B3GNT5: variants seen among roughly 807,000 people sequenced by gnomAD.
B3GNT5 encodes the protein lactosylceramide 1,3-N-acetyl-beta-D-glucosaminyltransferase.
B3GNT5 carries 11 observed loss-of-function variants against 25.9 expected under a neutral mutation model. That is an observed-to-expected ratio of 0.42 (90% CI 0.27 to 0.70). The LOEUF (loss-of-function observed/expected upper bound fraction) is 0.70, where lower values mean the gene tolerates loss of function less well. Ranked by LOEUF, B3GNT5 falls within the 30% of genes least tolerant of loss-of-function variation. The pLI is 0.23. For synonymous variants in B3GNT5, 166 were observed against 158.6 expected, an observed-to-expected ratio of 1.05 and a Z score of -0.35; for missense variants, 385 against 458.4, an observed-to-expected ratio of 0.84 and a Z score of 1.46.
rs1327552957 is a variant in B3GNT5, at chr3:183,270,684, G to A, written c.886G>A (p.Val296Ile). The A allele has an allele frequency of 1.2e-6, 2 of 1,614,102 alleles. No homozygotes were observed. Among genetic ancestry groups the A allele is most frequent in the Non-Finnish European group, 1.7e-6 (2 of 1,180,018 alleles). The change falls in exon 2 of 2, where the codon GTA becomes ATA. Residue 296 changes from valine to isoleucine, a missense_variant. Transcript: ENST00000326505. This position sits in a 1 kb window ranked among gnomAD's most constrained non-coding sequence, Gnocchi z 4.5. ...MGLCANKIGI[V>I]PQDHVFFSGE... ...CCTCTGTGCCAATAAAATAGGGATA[G>A]TACCGCAGGACCATGTGTTTTTTTC...
In B3GNT5 at chr3:183,272,640, T is replaced by C. The variant is rs2108451113; in HGVS notation, c.*1705T>C. On this transcript the variant is annotated 3_prime_UTR_variant, in exon 2 of 2. Coordinates refer to ENST00000326505, the MANE Select transcript of B3GNT5 (RefSeq NM_032047.5). The stretch of plus-strand genomic sequence containing the variant: ...AGGTTGTAGTTACTTTCAGAGTAGA[T>C]ACAGGGTTTTAGATCATTACAGTTT... 3 of 1,001,182 alleles carry C rather than the reference T, an allele frequency of 3.0e-6. No individual in the cohort carries two copies. Among genetic ancestry groups the C allele is most frequent in the Non-Finnish European group, 3.6e-6 (3 of 830,468 alleles). 62.0% of individuals were successfully genotyped at this position (1,001,182 alleles called of 1,614,324 possible).
At chr3:183,260,261 G>A (rs1012125009) in intron 1 of B3GNT5, among the ~76,000 whole-genome samples, 2 of 152,098 alleles carry the variant, frequency 1.3e-5, no homozygotes, top group Non-Finnish European at 2.9e-5. Flanking sequence ...TACCACATTC[G>A]TAAGGCATTT....
chr3:183,257,482 G>A (rs910772927), intron 1 of B3GNT5, among the ~76,000 whole-genome samples: 6 of 152,266 alleles, frequency 3.9e-5, no homozygotes, highest in African/African-American at 1.2e-4. Context: ...TTAAATATAC[G>A]TATTAACCTA....
rs752499455 is a variant in B3GNT5, at chr3:183,270,604, A to G, written c.806A>G (p.Tyr269Cys). ...VISGDVAAKV[Y>C]EASQTLNSSL... ...TCCGGTGATGTAGCTGCCAAAGTCT[A>G]TGAGGCATCACAGACACTAAATTCA... is the stretch of plus-strand genomic sequence containing the variant. The change falls in exon 2 of 2, where the codon TAT (tyrosine) becomes TGT (cysteine). Residue 269 changes from tyrosine (Y) to cysteine (C), a missense_variant. Transcript: ENST00000326505. The surrounding 1 kb of genome is among the most constrained non-coding windows in gnomAD (Gnocchi z 4.5). 22 of 1,614,100 alleles carry G rather than the reference A, an allele frequency of 1.4e-5. No individual in the cohort carries two copies. The highest frequency in any genetic ancestry group is 1.8e-5 in the Non-Finnish European group (21 of 1,180,050).
At position 183,270,350 on chromosome 3, in the gene B3GNT5, A is replaced by C; in HGVS notation, c.552A>C (p.Pro184=). ...TCAGTTGGGCAAATACCTATTGTCC[A>C]CATGCCAAATTTCTTATGACTGCTG... is the stretch of plus-strand genomic sequence containing the variant. ...MQFSWANTYC[P]HAKFLMTADD... is the part of the protein sequence containing the mutation. The change falls in exon 2 of 2, where the codon CCA becomes CCC. Residue 184 remains proline (P), a synonymous_variant. Transcript: ENST00000326505. This position sits in a 1 kb window ranked among gnomAD's most constrained non-coding sequence, Gnocchi z 4.5. The C allele has an allele frequency of 1.9e-6, 3 of 1,614,212 alleles. No individual in the cohort carries two copies. The South Asian group carries it at 3.3e-5, about 18-fold the overall frequency.
At chr3:183,266,610 G>A (rs1726151002) in intron 1 of B3GNT5, among the ~76,000 whole-genome samples, 1 of 152,178 alleles carries the variant, frequency 6.6e-6, no homozygotes, top group African/African-American at 2.4e-5. Flanking sequence ...GAGCAACTGA[G>A]AGAAAGTGGG....
chr3:183,265,070 G>C (rs1044339837), intron 1 of B3GNT5, among the ~76,000 whole-genome samples: 3 of 152,124 alleles, frequency 2.0e-5, no homozygotes, highest in Non-Finnish European at 4.4e-5. Flanking sequence ...TCTCTCCCAT[G>C]CTTTTTCTAT....
intron 1 of B3GNT5, among the ~76,000 whole-genome samples, chr3:183,262,563 C>A (rs1725712177): frequency 6.6e-6 from 1 of 152,100 alleles, no homozygotes; most frequent in South Asian, 2.1e-4. Flanking sequence ...TCCCCCTAGT[C>A]CCGGCCCGAT....
chr3:183,254,647 GTTGCCGGCCGGGGGCCCCAGGC>G (rs1293935007), intron 1 of B3GNT5: 6 of 152,302 alleles, frequency 3.9e-5, no homozygotes, highest in African/African-American at 1.4e-4. Context: ...CACCAATTCG[GTTGCCGGCCGGGGGCCCCAGGC>G]TTGCGGCCAC....
chr3:183,261,914 C>T (rs1180024995), intron 1 of B3GNT5, among the ~76,000 whole-genome samples: 1 of 146,092 alleles, frequency 6.8e-6, no homozygotes, highest in Non-Finnish European at 1.5e-5. Context: ...GAACACAATC[C>T]ATTCATGGTT....
chr3:183,270,526 T>A lies in B3GNT5; in HGVS notation c.728T>A (p.Met243Lys), dbSNP rs1489770217. The change falls in exon 2 of 2, where the codon ATG becomes AAG. Residue 243 changes from methionine (M) to lysine (K), a missense_variant. Met to Lys is a moderately conservative substitution (Grantham distance 95). Transcript: ENST00000326505. The surrounding 1 kb of genome is among the most constrained non-coding windows in gnomAD (Gnocchi z 4.5). The part of the protein sequence containing the change: ...KSSKYYVSYE[M>K]YQWPAYPDYT... ...AGCAAATACTACGTGTCCTATGAAA[T>A]GTACCAGTGGCCAGCTTACCCTGAC... 6.2e-7 allele frequency: 1 copy of A among 1,614,160 alleles called. No individual in the cohort carries two copies. The highest frequency in any genetic ancestry group is 8.5e-7 in the Non-Finnish European group (1 of 1,180,008).
At chr3:183,255,585 C>A (rs1401937557) in intron 1 of B3GNT5, among the ~76,000 whole-genome samples, 2 of 152,194 alleles carry the variant, frequency 1.3e-5, no homozygotes, top group South Asian at 4.1e-4. Flanking sequence ...CAGGAAAGGC[C>A]CAAGCCAAAG....
rs769297151 is a variant in B3GNT5, at chr3:183,269,582, G to C, written c.-217G>C. ...GATGCCCGTGTGGAAGAATTTTGAC[G>C]TGCCAGTGTCCTCGTTCTACAGGGT... On this transcript the variant is annotated 5_prime_UTR_variant, in exon 2 of 2. Coordinates refer to ENST00000326505, the MANE Select transcript of B3GNT5 (RefSeq NM_032047.5). The C allele has an allele frequency of 6.4e-6, 3 of 465,734 alleles. No individual in the cohort carries two copies. Among genetic ancestry groups the C allele is most frequent in the Non-Finnish European group, 1.1e-5 (3 of 268,332 alleles). The allele number at this position is 465,734 out of a possible 1,614,324, so 28.9% of individuals were successfully genotyped here. A position where few individuals can be genotyped will look rare whatever the true frequency, so the allele number is the denominator to read the frequency against.
chr3:183,271,646 A>C lies in B3GNT5; in HGVS notation c.*711A>C, dbSNP rs1726793502. 1 of 167,010 alleles carries C rather than the reference A, an allele frequency of 6.0e-6. No individual in the cohort carries two copies. Among genetic ancestry groups the C allele is most frequent in the African/African-American group, 2.4e-5 (1 of 41,434 alleles). The allele number at this position is 167,010 out of a possible 1,614,324, so 10.3% of individuals were successfully genotyped here. On this transcript the variant is annotated 3_prime_UTR_variant, in exon 2 of 2. Transcript: ENST00000326505. ...TTTAATGGATTTTTTTTTAAGTATT[A>C]GAAAATGACACATAACACGGGCAGC... is the stretch of plus-strand genomic sequence containing the variant.
rs1348823651 is a variant in B3GNT5 at position 183,272,822 on chromosome 3, C to T, written c.*1887C>T. ...TATACTTGGAAGTGTTTAAGGTTGC[C>T]ATTGGTTGAAAACATAAGTGTCTCT... On this transcript the variant is annotated 3_prime_UTR_variant, in exon 2 of 2. Transcript: ENST00000326505. 15 of 1,216,670 alleles carry T rather than the reference C, an allele frequency of 1.2e-5. No homozygotes were observed. Among genetic ancestry groups the T allele is most frequent in the Admixed American group, 4.5e-5 (1 of 22,060 alleles). The allele number at this position is 1,216,670 out of a possible 1,614,324, so 75.4% of individuals were successfully genotyped here.
In B3GNT5 at chr3:183,267,086, T is replaced by G. The variant is rs1726220257; in HGVS notation, c.-301-2412T>G. ...CAGGCGTGAGCCACCATGGCCGGCC[T>G]TCAGCCTTTGTGATATTAAAGCACA... is the stretch of plus-strand genomic sequence containing the variant. On this transcript the variant is annotated intron_variant, in intron 1 of 1. Coordinates refer to ENST00000326505, the MANE Select transcript of B3GNT5 (RefSeq NM_032047.5). The surrounding 1 kb of genome is among the most constrained non-coding windows in gnomAD (Gnocchi z 5.5). Among the ~76,000 whole-genome samples, 1 of 152,154 alleles carries G rather than the reference T, an allele frequency of 6.6e-6. No individual in the cohort carries two copies. The highest frequency in any genetic ancestry group is 2.4e-5 in the African/African-American group (1 of 41,438).
intron 1 of B3GNT5, among the ~76,000 whole-genome samples, chr3:183,268,637 C>T (rs1726393476): frequency 6.6e-6 from 1 of 152,026 alleles, no homozygotes; most frequent in Non-Finnish European, 1.5e-5. Flanking sequence ...ACTTGAGTAC[C>T]CTAGTGTGCT....
intron 1 of B3GNT5, among the ~76,000 whole-genome samples, chr3:183,268,782 G>A (rs1726413985): frequency 6.6e-6 from 1 of 152,168 alleles, no homozygotes; most frequent in Non-Finnish European, 1.5e-5. Context: ...ACCGTAAGTG[G>A]CTAAGGCGGC....
chr3:183,269,249 A>G (rs1308759415), intron 1 of B3GNT5, among the ~76,000 whole-genome samples: 3 of 64,358 alleles, frequency 4.7e-5, no homozygotes, highest in African/African-American at 3.4e-4. Context: ...TTTTTTTTTT[A>G]AGAGTAGGAG....
Sources: gnomAD v4.1 joint callset for allele counts (sites outside exome capture counted in the v4.1 genomes callset) on GRCh38, gnomAD v4.1.1 for gene constraint, Gnocchi (gnomAD v3.1) non-coding constraint, MANE v1.5 for transcripts, NCBI Gene and HGNC (gene_info 2026-07-23, HGNC 2026-07-21) for gene names.